Variants in PTPRM observed in about 807,000 individuals in gnomAD.
The protein encoded by PTPRM is receptor-type tyrosine-protein phosphatase mu.
A neutral mutation model predicts 186.7 loss-of-function variants in PTPRM; 47 were observed. The ratio of observed to expected loss-of-function variants is 0.25; its 90% confidence interval spans 0.20 to 0.32. The LOEUF (loss-of-function observed/expected upper bound fraction) is 0.32. Ranked by LOEUF, PTPRM falls within the 10% of genes least tolerant of loss-of-function variation. The probability of loss-of-function intolerance (pLI) is 1.00; values close to 1 mark genes in which losing one functional copy is unlikely to be tolerated. For missense variants in PTPRM, 1,494 were observed against 1,865.0 expected, an observed-to-expected ratio of 0.80 and a Z score of 3.66; for synonymous variants, 668 against 674.9, an observed-to-expected ratio of 0.99 and a Z score of 0.16.
chr18:7,621,246 C>T (rs1055597226), intron 1 of PTPRM, among the ~76,000 whole-genome samples: 2 of 152,140 alleles, frequency 1.3e-5, no homozygotes, highest in African/African-American at 4.8e-5. Context: ...GATTTGAACC[C>T]AGACTCTAGA....
At chr18:7,928,713 TA>T (rs541569895) in intron 5 of PTPRM, among the ~76,000 whole-genome samples, 25 of 152,326 alleles carry the variant, frequency 1.6e-4, no homozygotes, top group South Asian at 6.2e-4. Context: ...AATACTATAT[TA>T]AGTCTAAGCT....
At chr18:8,066,701 C>T (rs934823390) in intron 7 of PTPRM, among the ~76,000 whole-genome samples, 2 of 152,138 alleles carry the variant, frequency 1.3e-5, no homozygotes, top group Non-Finnish European at 2.9e-5. Context: ...TATGCTTCAA[C>T]GTAAAGATGC....
At chr18:7,761,419 GA>G (rs2041765880) in intron 1 of PTPRM, among the ~76,000 whole-genome samples, 1 of 152,184 alleles carries the variant, frequency 6.6e-6, no homozygotes, top group Non-Finnish European at 1.5e-5. Flanking sequence ...CTGAGGAGCT[GA>G]ACCAGAGTTC....
chr18:8,360,546 G>A (rs1041239736), intron 23 of PTPRM, among the ~76,000 whole-genome samples: 1 of 152,188 alleles, frequency 6.6e-6, no homozygotes, highest in African/African-American at 2.4e-5. Flanking sequence ...TCCAAAAGTG[G>A]ACTGGTCACC....
chr18:8,361,251 T>C (rs1377513840), intron 23 of PTPRM, among the ~76,000 whole-genome samples: 2 of 152,222 alleles, frequency 1.3e-5, no homozygotes, highest in African/African-American at 4.8e-5. Context: ...CATTTAGCCC[T>C]GATTAATGCC....
At chr18:8,167,715 T>C (rs1019496926) in intron 14 of PTPRM, among the ~76,000 whole-genome samples, 5 of 135,774 alleles carry the variant, frequency 3.7e-5, no homozygotes, top group African/African-American at 1.7e-4. Flanking sequence ...AATTGCACTT[T>C]AGCAAGTGAA....
chr18:7,792,831 ATTTTTTTG>A (rs145988201), intron 2 of PTPRM, among the ~76,000 whole-genome samples: 1,823 of 151,984 alleles, frequency 0.012, 30 homozygotes, highest in African/African-American at 0.041. Context: ...CACCTGGCTA[ATTTTTTTG>A]TTTTTTGTAG....
chr18:8,054,368 T>C (rs1156790177), intron 7 of PTPRM, among the ~76,000 whole-genome samples: 3 of 148,188 alleles, frequency 2.0e-5, no homozygotes, highest in Non-Finnish European at 4.5e-5. Flanking sequence ...TTCTGTTTGC[T>C]TTCTGGTTTT....
At position 8,173,838 on chromosome 18, in the gene PTPRM, G is replaced by T. The variant is rs924572478; in HGVS notation, c.2300+30059G>T. Among the ~76,000 whole-genome samples the T allele has an allele frequency of 2.6e-5, 4 of 152,176 alleles. 1 individual carries two copies. Among genetic ancestry groups the T allele is most frequent in the Middle Eastern group, 3.2e-3 (1 of 316 alleles). ...AATCCCAGCACTCTGGGAGGCCGAG[G>T]TGGGTGGATCACTTGAGGTCAGGAG... On this transcript the variant is annotated intron_variant, in intron 14 of 32. Transcript: ENST00000580170.
chr18:8,400,436 G>C (rs1177065532), intron 32 of PTPRM, among the ~76,000 whole-genome samples: 2 of 152,230 alleles, frequency 1.3e-5, no homozygotes, highest in African/African-American at 4.8e-5. Context: ...GGAGCTTTCA[G>C]AAATACCAGT....
At chr18:7,761,926 G>T (rs969417882) in intron 1 of PTPRM, among the ~76,000 whole-genome samples, 1 of 152,160 alleles carries the variant, frequency 6.6e-6, no homozygotes, top group African/African-American at 2.4e-5. Context: ...GAGTCCATTA[G>T]ATGTTTTTTC....
chr18:8,344,225 C>T lies in PTPRM; in HGVS notation c.3054+705C>T, dbSNP rs2095491171. ...AGAGAAGTTGGCATCATGAGATTTG[C>T]CCTCAGCAAAGGCAGCCTAGAGGTT... On this transcript the variant is annotated intron_variant, in intron 23 of 32. Transcript: ENST00000580170. 2.0e-5 allele frequency among the ~76,000 whole-genome samples: 3 copies of T among 152,026 alleles called. No homozygotes were observed. In the South Asian group the frequency reaches 6.2e-4, roughly 32 times the overall value.
At chr18:8,369,516 T>G (rs767833950) in intron 23 of PTPRM, among the ~76,000 whole-genome samples, 1 of 152,152 alleles carries the variant, frequency 6.6e-6, no homozygotes, top group Non-Finnish European at 1.5e-5. Context: ...CGAGAAGGAA[T>G]GGGTTGGTTA....
intron 1 of PTPRM, among the ~76,000 whole-genome samples, chr18:7,758,430 A>G (rs1008872743): frequency 6.6e-6 from 1 of 152,214 alleles, no homozygotes; most frequent in Admixed American, 6.5e-5. Flanking sequence ...CTGGAAACAC[A>G]TTAGGGAAGT....
At chr18:8,018,373 A>C (rs1250174058) in intron 7 of PTPRM, among the ~76,000 whole-genome samples, 1 of 152,208 alleles carries the variant, frequency 6.6e-6, no homozygotes, top group Admixed American at 6.5e-5. Flanking sequence ...TAAAACGAAG[A>C]AGCAGCATGG....
chr18:8,020,869 G>A (rs187516201), intron 7 of PTPRM, among the ~76,000 whole-genome samples: 1 of 152,284 alleles, frequency 6.6e-6, no homozygotes, highest in Non-Finnish European at 1.5e-5. Flanking sequence ...TGCTCAGTGA[G>A]GTACTGTTTA....
At chr18:7,984,808 T>C (rs1209048420) in intron 7 of PTPRM, among the ~76,000 whole-genome samples, 11 of 133,700 alleles carry the variant, frequency 8.2e-5, no homozygotes, top group African/African-American at 2.3e-4. Flanking sequence ...AATATATACA[T>C]ATAAAATTAT....
chr18:7,736,583 G>C (rs958298834), intron 1 of PTPRM, among the ~76,000 whole-genome samples: 2 of 151,638 alleles, frequency 1.3e-5, no homozygotes, highest in Non-Finnish European at 2.9e-5. Flanking sequence ...CTTAATTACT[G>C]TCCCTTTTAA....
chr18:8,376,237 G>A (rs1461568290), intron 25 of PTPRM, 37 bp downstream of exon 25: 6 of 1,600,070 alleles, frequency 3.7e-6, no homozygotes, highest in Non-Finnish European at 5.1e-6. Flanking sequence ...AGGAAACGCA[G>A]TGGGTGATGG....
Sources: gnomAD v4.1 joint callset for allele counts (sites outside exome capture counted in the v4.1 genomes callset) on GRCh38, gnomAD v4.1.1 for gene constraint, MANE v1.5 for transcripts, NCBI Gene and HGNC (gene_info 2026-07-23, HGNC 2026-07-21) for gene names.